The following ZBTB20 variants were observed in gnomAD, a reference collection of about 807,000 sequenced individuals.
The protein encoded by ZBTB20 is zinc finger and BTB domain containing 20, also known as zinc finger and BTB domain-containing protein 20.
ZBTB20 carries 9 observed loss-of-function variants against 56.9 expected under a neutral mutation model. The observed-to-expected ratio is 0.16, with a 90% CI of 0.10 to 0.28. ZBTB20 has a LOEUF of 0.28. ZBTB20 is among the 10% of genes least tolerant of loss of function. ZBTB20 has a pLI of 1.00. For synonymous variants in ZBTB20, 417 were observed against 420.7 expected, an observed-to-expected ratio of 0.99 and a Z score of 0.11; for missense variants, 655 against 1,003.0, an observed-to-expected ratio of 0.65 and a Z score of 4.69.
intron 7 of ZBTB20, among the ~76,000 whole-genome samples, chr3:114,433,683 T>G (rs917726574): frequency 6.6e-6 from 1 of 152,188 alleles, no homozygotes; most frequent in South Asian, 2.1e-4. Context: ...CTGTATTTAT[T>G]AAGCTTACTG....
At chr3:114,349,980 C>T (rs1332210997) in intron 11 of ZBTB20, among the ~76,000 whole-genome samples, 1 of 152,164 alleles carries the variant, frequency 6.6e-6, no homozygotes, top group Non-Finnish European at 1.5e-5. Flanking sequence ...CTCTGAAACA[C>T]AAATACTTGA....
At chr3:114,497,780 T>C (rs1470303084) in intron 7 of ZBTB20, among the ~76,000 whole-genome samples, 1 of 152,220 alleles carries the variant, frequency 6.6e-6, no homozygotes, top group African/African-American at 2.4e-5. Flanking sequence ...CCAAGCACAG[T>C]GACTAGCTTT....
chr3:114,977,106 GT>G (rs2078133859), intron 2 of ZBTB20, among the ~76,000 whole-genome samples: 1 of 152,112 alleles, frequency 6.6e-6, no homozygotes, highest in African/African-American at 2.4e-5. Context: ...AGAAAATTAA[GT>G]TATTAACATG....
At chr3:115,018,873 T>C (rs2080087961) in intron 2 of ZBTB20, among the ~76,000 whole-genome samples, 1 of 151,322 alleles carries the variant, frequency 6.6e-6, no homozygotes, top group Non-Finnish European at 1.5e-5. Context: ...CTGCAGTAAA[T>C]TGGTAGTGAA....
chr3:114,443,901 T>C (rs1436054435), intron 7 of ZBTB20, among the ~76,000 whole-genome samples: 2 of 152,212 alleles, frequency 1.3e-5, no homozygotes, highest in Admixed American at 6.5e-5. Flanking sequence ...CCTAAAATTA[T>C]GTAGACCTGT....
intron 2 of ZBTB20, among the ~76,000 whole-genome samples, chr3:115,013,632 T>G (rs536418647): frequency 6.6e-6 from 1 of 151,764 alleles, no homozygotes; most frequent in South Asian, 2.1e-4. Context: ...ACTCAAATAC[T>G]CTGAAAAACA....
chr3:114,973,846 A>G (rs574002696), intron 3 of ZBTB20, among the ~76,000 whole-genome samples: 1 of 152,274 alleles, frequency 6.6e-6, no homozygotes, highest in African/African-American at 2.4e-5. Context: ...ACACGAGTCT[A>G]TTGTAAACTT....
At chr3:114,985,333 A>C (rs2078491921) in intron 2 of ZBTB20, among the ~76,000 whole-genome samples, 1 of 152,048 alleles carries the variant, frequency 6.6e-6, no homozygotes, top group African/African-American at 2.4e-5. Context: ...TTTCAGTTGA[A>C]TCCTAGGATG....
intron 6 of ZBTB20, among the ~76,000 whole-genome samples, chr3:114,692,350 A>G (rs1197446005): frequency 1.3e-5 from 2 of 152,140 alleles, no homozygotes; most frequent in Non-Finnish European, 2.9e-5. Context: ...GGATATGCTC[A>G]GAGAGACAGA....
chr3:114,585,839 AT>A (rs2107521601), intron 6 of ZBTB20, among the ~76,000 whole-genome samples: 1 of 152,336 alleles, frequency 6.6e-6, no homozygotes, highest in South Asian at 2.1e-4. Context: ...ATAGTCAAAC[AT>A]TTCTCTGACA....
intron 3 of ZBTB20, among the ~76,000 whole-genome samples, chr3:114,946,108 G>A (rs1234975380): frequency 6.9e-6 from 1 of 145,288 alleles, no homozygotes. Context: ...GATAGAACTT[G>A]GTAAAAAGTT....
At chr3:114,800,404 C>G (rs915578431) in intron 5 of ZBTB20, among the ~76,000 whole-genome samples, 4 of 151,760 alleles carry the variant, frequency 2.6e-5, no homozygotes, top group Non-Finnish European at 5.9e-5. Flanking sequence ...AGTACATTGA[C>G]AAAACAGCAG....
chr3:115,120,311 C>T (rs1434234495), intron 1 of ZBTB20, among the ~76,000 whole-genome samples: 1 of 151,926 alleles, frequency 6.6e-6, no homozygotes, highest in African/African-American at 2.4e-5. Context: ...ATCTTATGCT[C>T]AAATTTGCTG....
At chr3:114,753,182 A>G (rs1352704945) in intron 5 of ZBTB20, among the ~76,000 whole-genome samples, 1 of 151,118 alleles carries the variant, frequency 6.6e-6, no homozygotes, top group Admixed American at 6.6e-5. Flanking sequence ...GTAATGGGGA[A>G]CACAGGAGGC....
intron 6 of ZBTB20, among the ~76,000 whole-genome samples, chr3:114,522,637 G>T (rs2046774574): frequency 6.6e-6 from 1 of 152,168 alleles, no homozygotes; most frequent in Admixed American, 6.5e-5. Flanking sequence ...TAGTTGCTTG[G>T]ATTAGGGTAG....
rs1553784876 is a variant in ZBTB20, at chr3:114,329,737, A to AC, written c.*9267dup. ...AAAAAAAAAAAAAAAAAAAAAAAAA[A>AC]CAACTCCCAGGAAAATGAACACTAT... is the stretch of plus-strand genomic sequence containing the variant. On this transcript the variant is annotated 3_prime_UTR_variant, in exon 12 of 12. Transcript: ENST00000675478. 4.3e-4 allele frequency: 57 copies of AC among 132,060 alleles called. No individual in the cohort carries two copies. The highest frequency in any genetic ancestry group is 8.2e-4 in the Non-Finnish European group (48 of 58,412). The allele number at this position is 132,060 out of a possible 1,614,324, so 8.2% of individuals were successfully genotyped here.
chr3:114,399,965 T>C (rs965025831), intron 7 of ZBTB20, among the ~76,000 whole-genome samples: 1 of 151,894 alleles, frequency 6.6e-6, no homozygotes, highest in African/African-American at 2.4e-5. Flanking sequence ...GATGAGGAGA[T>C]TGAGGTGGAT....
chr3:114,978,210 C>A (rs2078184360), intron 2 of ZBTB20, among the ~76,000 whole-genome samples: 2 of 149,774 alleles, frequency 1.3e-5, no homozygotes, highest in Non-Finnish European at 3.0e-5. Context: ...ATTGTGAGTT[C>A]TCTTCTAAAA....
Position 114,439,736 on chromosome 3 carries a change from T to C in ZBTB20, c.-254-50631A>G, listed in dbSNP as rs182032136. On this transcript the variant is annotated intron_variant, in intron 7 of 11. Transcript: ENST00000675478. Reference sequence around the variant, plus strand: ...CAGATGCCTAGGATGTCTGTACAGGTTGAAACTTAATTCCGTCCTTTCTAT... The same window carrying C: ...CAGATGCCTAGGATGTCTGTACAGGCTGAAACTTAATTCCGTCCTTTCTAT... Among the ~76,000 whole-genome samples, 246 of 152,292 alleles carry C rather than the reference T, an allele frequency of 1.6e-3. 2 individuals carry two copies. The highest frequency in any genetic ancestry group is 5.5e-3 in the African/African-American group (230 of 41,570).
Sources: allele counts gnomAD v4.1 joint callset (sites outside exome capture counted in the v4.1 genomes callset), GRCh38; gene constraint gnomAD v4.1.1; transcripts MANE v1.5; gene names NCBI Gene and HGNC (gene_info 2026-07-23, HGNC 2026-07-21).